The following GINS1 variants were observed in gnomAD, a reference collection of about 807,000 sequenced individuals.
GINS1 encodes GINS complex subunit 1, also known as DNA replication complex GINS protein PSF1.
Under a neutral mutation model 34.9 loss-of-function variants are expected in GINS1, and 26 were observed. That is an observed-to-expected ratio of 0.74 (90% confidence interval 0.55 to 1.03). The LOEUF is 1.03. GINS1 is among the 50% of genes least tolerant of loss of function. The pLI is 0.00. For synonymous variants in GINS1, 97 were observed against 84.4 expected, an observed-to-expected ratio of 1.15 and a Z score of -0.82; for missense variants, 235 against 237.9, an observed-to-expected ratio of 0.99 and a Z score of 0.08.
chr20:25,434,914 AG>A (rs2090446259), intron 5 of GINS1, among the ~76,000 whole-genome samples: 1 of 152,248 alleles, frequency 6.6e-6, no homozygotes, highest in Admixed American at 6.5e-5. Flanking sequence ...AAGGACAAAA[AG>A]GACCAAACTC....
intron 1 of GINS1, among the ~76,000 whole-genome samples, chr20:25,410,137 T>G (rs573413530): frequency 8.5e-5 from 13 of 152,066 alleles, no homozygotes; most frequent in South Asian, 8.3e-4. Flanking sequence ...GTCCTGAGAT[T>G]GAGACCATCC....
intron 6 of GINS1, 148 bp from the exon 7 acceptor site, chr20:25,445,775 A>G (rs1046923298): frequency 3.3e-6 from 2 of 604,078 alleles, no homozygotes; most frequent in Non-Finnish European, 5.9e-6. Flanking sequence ...GAGCCACCGT[A>G]CCCAGCCCCT....
intron 4 of GINS1, among the ~76,000 whole-genome samples, chr20:25,422,125 C>T (rs1054313144): frequency 3.3e-5 from 5 of 151,988 alleles, no homozygotes; most frequent in African/African-American, 7.3e-5. Context: ...GTGCAGAAAA[C>T]GAAGATGTAC....
rs2090392892 is a variant in GINS1, at chr20:25,426,677, CA to C, written c.447+1351del. On this transcript the variant is annotated intron_variant, in intron 5 of 6. Coordinates refer to ENST00000262460, the MANE Select transcript of GINS1 (RefSeq NM_021067.5). ...AACAGCTGGGATTACAGGCATGTGC[CA>C]CCACCCCTGGCTAATTTTGTATCTT... Among the ~76,000 whole-genome samples the C allele has an allele frequency of 2.0e-5, 3 of 151,814 alleles. No individual in the cohort carries two copies. The South Asian group carries it at 6.3e-4, about 32-fold the overall frequency.
At chr20:25,421,548 C>T (rs898957373) in intron 4 of GINS1, among the ~76,000 whole-genome samples, 3 of 152,062 alleles carry the variant, frequency 2.0e-5, no homozygotes, top group African/African-American at 7.2e-5. Context: ...AAAGTAGTAA[C>T]ATCTTTTATG....
intron 4 of GINS1, among the ~76,000 whole-genome samples, chr20:25,424,600 GCCCTGTC>G (rs1383285182): frequency 6.6e-6 from 1 of 152,078 alleles, no homozygotes; most frequent in Non-Finnish European, 1.5e-5. Context: ...CTACAAAGAA[GCCCTGTC>G]CCCTTTATAG....
chr20:25,410,435 C>G (rs1169823200), intron 1 of GINS1, among the ~76,000 whole-genome samples: 1 of 152,156 alleles, frequency 6.6e-6, no homozygotes, highest in Non-Finnish European at 1.5e-5. Flanking sequence ...ACAAACCCAC[C>G]TGATACTCAA....
chr20:25,430,738 C>T (rs1307324172), intron 5 of GINS1, among the ~76,000 whole-genome samples: 1 of 152,150 alleles, frequency 6.6e-6, no homozygotes, highest in Non-Finnish European at 1.5e-5. Flanking sequence ...CCATGTTGGT[C>T]AGGCTGGTCT....
intron 5 of GINS1, among the ~76,000 whole-genome samples, chr20:25,428,401 T>TC (rs930321639): frequency 1.6e-5 from 2 of 126,708 alleles, no homozygotes; most frequent in African/African-American, 3.0e-5. Flanking sequence ...TAATTTCTTT[T>TC]TTTTTTTTTT....
chr20:25,445,293 T>G (rs2090505106), intron 6 of GINS1, among the ~76,000 whole-genome samples: 1 of 152,056 alleles, frequency 6.6e-6, no homozygotes, highest in Non-Finnish European at 1.5e-5. Flanking sequence ...GTGATTCTCC[T>G]GCCTCAGCCT....
intron 5 of GINS1, among the ~76,000 whole-genome samples, chr20:25,435,866 G>A (rs1431149438): frequency 6.9e-6 from 1 of 145,424 alleles, no homozygotes; most frequent in African/African-American, 2.5e-5. Context: ...AGGCTGGAGT[G>A]CAGTGGCGCA....
rs753922261 is a variant in GINS1 at position 25,407,860 on chromosome 20, C to T, written c.40C>T (p.His14Tyr). The T allele has an allele frequency of 6.2e-7, 1 of 1,613,960 alleles. No individual in the cohort carries two copies. Among genetic ancestry groups the T allele is most frequent in the Non-Finnish European group, 8.5e-7 (1 of 1,179,896 alleles). ...AGCCATGGAACTGATCCGCGAGCTGCATCGCGCGCCCGAAGGGCAACTGCC... is the reference window on the plus strand; with the variant it reads ...AGCCATGGAACTGATCCGCGAGCTGTATCGCGCGCCCGAAGGGCAACTGCC... The part of the protein sequence containing the change: ...EKAMELIREL[H>Y]RAPEGQLPAF... Residue 14 changes from histidine (H) to tyrosine (Y), a missense_variant, in exon 1 of 7, where the codon CAT becomes TAT. His to Tyr is a moderately conservative substitution (Grantham distance 83, BLOSUM62 2). Transcript: ENST00000262460.
rs1472549050 is a variant in GINS1, at chr20:25,447,154, C to T, written c.*1163C>T. The T allele has an allele frequency of 6.6e-6, 1 of 152,164 alleles. No individual in the cohort carries two copies. Among genetic ancestry groups the T allele is most frequent in the Non-Finnish European group, 1.5e-5 (1 of 68,062 alleles). The allele number at this position is 152,164 out of a possible 1,614,324, so 9.4% of individuals were successfully genotyped here. ...CCCTGGGTTCAAGTGATTCTCTTGT[C>T]TCAGCCTCCCAAGTAGCTGGGATTA... On this transcript the variant is annotated 3_prime_UTR_variant, in exon 7 of 7. Coordinates refer to ENST00000262460, the MANE Select transcript of GINS1 (RefSeq NM_021067.5).
intron 6 of GINS1, among the ~76,000 whole-genome samples, chr20:25,442,314 G>A (rs578138934): frequency 1.3e-5 from 2 of 151,296 alleles, no homozygotes; most frequent in East Asian, 3.9e-4. Context: ...TCCTTATAAG[G>A]AATCTTTATC....
chr20:25,409,805 C>G (rs1316922377), intron 1 of GINS1, among the ~76,000 whole-genome samples: 1 of 152,174 alleles, frequency 6.6e-6, no homozygotes, highest in East Asian at 1.9e-4. Context: ...CAGTCTGCAG[C>G]TCAGTAGAGA....
At chr20:25,416,261 A>G (rs922578858) in intron 2 of GINS1, among the ~76,000 whole-genome samples, 1 of 152,176 alleles carries the variant, frequency 6.6e-6, no homozygotes, top group South Asian at 2.1e-4. Context: ...CAGTAAGGGA[A>G]TGATTTTCTT....
intron 5 of GINS1, among the ~76,000 whole-genome samples, chr20:25,430,229 A>G (rs902905682): frequency 2.6e-5 from 4 of 152,174 alleles, no homozygotes; most frequent in Non-Finnish European, 5.9e-5. Context: ...GTCTTTCACC[A>G]TTGAATATGA....
intron 3 of GINS1, 163 bp downstream of exon 3, chr20:25,417,365 CACA>C (rs1240192651): frequency 8.5e-6 from 5 of 586,778 alleles, no homozygotes; most frequent in African/African-American, 7.8e-5. Context: ...TATGAAAAAT[CACA>C]ACACTTTTAA....
chr20:25,415,897 A>C (rs1386195348), intron 2 of GINS1, among the ~76,000 whole-genome samples: 1 of 152,182 alleles, frequency 6.6e-6, no homozygotes, highest in African/African-American at 2.4e-5. Flanking sequence ...TGAGGCCTGC[A>C]GGAGATGCAA....
Sources: gnomAD v4.1 joint callset for allele counts (sites outside exome capture counted in the v4.1 genomes callset) on GRCh38, gnomAD v4.1.1 for gene constraint, MANE v1.5 for transcripts, NCBI Gene and HGNC (gene_info 2026-07-23, HGNC 2026-07-21) for gene names.